Variants in TCF7L2 observed in about 807,000 individuals in gnomAD.
TCF7L2 encodes transcription factor 7-like 2.
In TCF7L2, 23 loss-of-function variants were observed where a neutral mutation model predicts 77.9. The ratio of observed to expected loss-of-function variants is 0.30; its 90% confidence interval spans 0.21 to 0.42. TCF7L2 has a LOEUF of 0.42. TCF7L2 is among the 10% of genes least tolerant of loss of function. The pLI is 1.00. For synonymous variants in TCF7L2, 413 were observed against 340.2 expected (o/e 1.21, Z -2.36); for missense variants, 654 against 793.1 (o/e 0.82, Z 2.11).
chr10:113,008,081 C>A (rs1171782617), intron 4 of TCF7L2, among the ~76,000 whole-genome samples: 1 of 152,206 alleles, frequency 6.6e-6, no homozygotes, highest in Non-Finnish European at 1.5e-5. Context: ...AGCGACCCAT[C>A]GTCTTCTCCA....
intron 8 of TCF7L2, among the ~76,000 whole-genome samples, chr10:113,149,657 G>A (rs901214447): frequency 6.6e-6 from 1 of 150,782 alleles, no homozygotes; most frequent in Non-Finnish European, 1.5e-5. Flanking sequence ...TGGAAGAATT[G>A]TCGTGATCGA....
chr10:112,992,391 G>A (rs140396140), intron 4 of TCF7L2, among the ~76,000 whole-genome samples: 10 of 152,302 alleles, frequency 6.6e-5, no homozygotes, highest in Non-Finnish European at 8.8e-5. Context: ...ACCCAGACCC[G>A]ACAGAGAGGC....
At chr10:113,038,909 T>G (rs2051894475) in intron 4 of TCF7L2, among the ~76,000 whole-genome samples, 2 of 152,188 alleles carry the variant, frequency 1.3e-5, no homozygotes, top group South Asian at 4.1e-4. Flanking sequence ...GAATTAATAT[T>G]AAAACCAGCC....
intron 5 of TCF7L2, among the ~76,000 whole-genome samples, chr10:113,048,583 A>G (rs1442520223): frequency 3.3e-5 from 5 of 152,236 alleles, no homozygotes; most frequent in Non-Finnish European, 7.3e-5. Flanking sequence ...CTGATGGGAT[A>G]GCATGTTTAA....
At chr10:113,082,716 C>T (rs559711271) in intron 5 of TCF7L2, among the ~76,000 whole-genome samples, 120 of 152,082 alleles carry the variant, frequency 7.9e-4, no homozygotes, top group East Asian at 2.5e-3. Context: ...GTCCAGAAAT[C>T]GGGGTGCATC....
intron 5 of TCF7L2, among the ~76,000 whole-genome samples, chr10:113,069,984 A>G (rs2057744811): frequency 6.6e-6 from 1 of 152,038 alleles, no homozygotes; most frequent in African/African-American, 2.4e-5. Flanking sequence ...TGGGCCGGGC[A>G]TGGTGGCTCA....
At chr10:113,129,211 C>A in intron 5 of TCF7L2, 2 of 616,946 alleles carry the variant, frequency 3.2e-6, no homozygotes, top group Non-Finnish European at 4.1e-6. Flanking sequence ...CTCCTCCCTC[C>A]CCTCTCCCAT....
chr10:113,089,553 G>A, intron 5 of TCF7L2: 1 of 1,613,252 alleles, frequency 6.2e-7, no homozygotes, highest in Non-Finnish European at 8.5e-7. Context: ...AGGTCTCGGA[G>A]CAGAATCACG....
At chr10:113,164,952 G>A (rs956762085) in intron 13 of TCF7L2, among the ~76,000 whole-genome samples, 3 of 152,078 alleles carry the variant, frequency 2.0e-5, no homozygotes, top group South Asian at 2.1e-4. Context: ...TCTTGCTAGC[G>A]CTGCCTTCAG....
intron 4 of TCF7L2, among the ~76,000 whole-genome samples, chr10:113,015,847 C>G (rs1349097102): frequency 6.6e-6 from 1 of 152,120 alleles, no homozygotes; most frequent in African/African-American, 2.4e-5. Context: ...GAATCAGTAA[C>G]GTAACGTGTG....
intron 7 of TCF7L2, among the ~76,000 whole-genome samples, chr10:113,144,917 G>A (rs772904975): frequency 6.6e-6 from 1 of 152,216 alleles, no homozygotes; most frequent in Non-Finnish European, 1.5e-5. Flanking sequence ...TTCTGTGGAT[G>A]TATTTCTCCT....
chr10:113,153,223 C>T (rs976496345), intron 11 of TCF7L2, among the ~76,000 whole-genome samples: 13 of 152,240 alleles, frequency 8.5e-5, no homozygotes, highest in Non-Finnish European at 1.6e-4. Context: ...CGCTGTCTTC[C>T]GGAGACTTCT....
At chr10:112,983,651 A>ATTTG (rs2040929706) in intron 4 of TCF7L2, among the ~76,000 whole-genome samples, 1 of 152,100 alleles carries the variant, frequency 6.6e-6, no homozygotes, top group East Asian at 1.9e-4. Flanking sequence ...TAAGCGTGTA[A>ATTTG]CAGCCTCCAA....
At position 113,160,605 on chromosome 10, in the gene TCF7L2, C is replaced by T; in HGVS notation, c.1319-14C>T. The T allele has an allele frequency of 2.5e-6, 4 of 1,581,776 alleles. 1 individual carries two copies. The South Asian group carries it at 4.7e-5, about 18-fold the overall frequency. ...CATTGTGTTGTATTTTTTGTGTTTA[C>T]CTTATGCTAACAGATGCAAATACTC... On this transcript the variant is annotated splice_polypyrimidine_tract_variant and intron_variant, in intron 12 of 13. Coordinates refer to ENST00000627217, the MANE Select transcript of TCF7L2 (RefSeq NM_001146274.2).
chr10:113,060,114 A>C (rs1004226643), intron 5 of TCF7L2, among the ~76,000 whole-genome samples: 1 of 152,238 alleles, frequency 6.6e-6, no homozygotes, highest in Non-Finnish European at 1.5e-5. Context: ...TGTTCTTCAG[A>C]ATGCTCAGAT....
chr10:113,126,368 T>A (rs1353360521), intron 5 of TCF7L2, among the ~76,000 whole-genome samples: 2 of 152,174 alleles, frequency 1.3e-5, no homozygotes, highest in Non-Finnish European at 2.9e-5. Flanking sequence ...CTTCTCTGAA[T>A]GGCATCAGAT....
chr10:113,049,522 A>G (rs947193796), intron 5 of TCF7L2, among the ~76,000 whole-genome samples: 3 of 151,950 alleles, frequency 2.0e-5, no homozygotes, highest in African/African-American at 7.3e-5. Context: ...TTACCACTGG[A>G]GTCCAGTGCC....
chr10:113,057,933 CTGTTTGAGA>C (rs1161917689), intron 5 of TCF7L2, among the ~76,000 whole-genome samples: 1 of 152,134 alleles, frequency 6.6e-6, no homozygotes, highest in Non-Finnish European at 1.5e-5. Flanking sequence ...AGGCTGGGGG[CTGTTTGAGA>C]TGGAGGGTCA....
chr10:113,030,820 T>C (rs1158043716), intron 4 of TCF7L2, among the ~76,000 whole-genome samples: 1 of 152,202 alleles, frequency 6.6e-6, no homozygotes, highest in Non-Finnish European at 1.5e-5. Context: ...GTGGTGGAGC[T>C]GACATTTGTT....
Sources: allele counts gnomAD v4.1 joint callset (sites outside exome capture counted in the v4.1 genomes callset), GRCh38; gene constraint gnomAD v4.1.1; transcripts MANE v1.5; gene names NCBI Gene and HGNC (gene_info 2026-07-23, HGNC 2026-07-21).